The following PPP1CC variants were observed in gnomAD, a reference collection of about 807,000 sequenced individuals.
PPP1CC encodes protein phosphatase 1 catalytic subunit gamma.
In PPP1CC, 16 loss-of-function variants were observed where a neutral mutation model predicts 38.4. The ratio of observed to expected loss-of-function variants is 0.42; its 90% CI spans 0.28 to 0.63. PPP1CC has a LOEUF of 0.63. PPP1CC is among the 30% of genes least tolerant of loss of function. The probability of loss-of-function intolerance (pLI) is 0.25; values close to 1 mark genes in which losing one functional copy is unlikely to be tolerated. For missense variants in PPP1CC, 170 were observed against 391.3 expected (o/e 0.43, Z 4.77); for synonymous variants, 158 against 136.0 (o/e 1.16, Z -1.13).
the PPP1CC span, among the ~76,000 whole-genome samples, chr12:110,709,932 A>AATAAT: frequency 7.0e-6 from 1 of 142,070 alleles, no homozygotes; most frequent in African/African-American, 2.6e-5. Flanking sequence ...AAAAACTCCA[A>AATAAT]AATAATAATA....
chr12:110,738,841 T>C (rs1274739475), intron 1 of PPP1CC, among the ~76,000 whole-genome samples: 2 of 152,214 alleles, frequency 1.3e-5, no homozygotes, highest in Non-Finnish European at 1.5e-5. Flanking sequence ...AAAGGACTCC[T>C]GCAAGCTGCA....
chr12:110,735,135 C>A (rs902175912), intron 1 of PPP1CC: 1 of 151,124 alleles, frequency 6.6e-6, no homozygotes, highest in African/African-American at 2.4e-5. Context: ...CTCACTGCAA[C>A]CTCCACCTCC....
intron 4 of PPP1CC, 115 bp downstream of exon 4, chr12:110,724,545 A>G: frequency 1.5e-6 from 1 of 668,486 alleles, no homozygotes; most frequent in Non-Finnish European, 2.7e-6. Flanking sequence ...CAACACATCA[A>G]CAAAGGAGAG....
intron 2 of PPP1CC, among the ~76,000 whole-genome samples, chr12:110,731,193 C>A (rs1004074642): frequency 1.4e-5 from 2 of 146,756 alleles, no homozygotes; most frequent in African/African-American, 5.0e-5. Flanking sequence ...CACACATACA[C>A]ACCACCCCCA....
At chr12:110,717,503 C>T (rs977632030), downstream of PPP1CC, among the ~76,000 whole-genome samples, 1 of 152,182 alleles carries the variant, frequency 6.6e-6, no homozygotes, top group Non-Finnish European at 1.5e-5. Flanking sequence ...ACGCCATTCT[C>T]CTGCCTCAGG....
At chr12:110,734,228 C>T (rs565306327) in intron 1 of PPP1CC, among the ~76,000 whole-genome samples, 95 of 152,332 alleles carry the variant, frequency 6.2e-4, no homozygotes, top group African/African-American at 2.2e-3. Flanking sequence ...CTGTAGTGTA[C>T]ACCAGCCATA....
rs753151732 is a variant in PPP1CC at position 110,722,194 on chromosome 12, C to G, written c.823G>C (p.Glu275Gln). 6.2e-7 allele frequency: 1 copy of G among 1,614,200 alleles called. No individual in the cohort carries two copies. Among genetic ancestry groups the G allele is most frequent in the Non-Finnish European group, 8.5e-7 (1 of 1,180,022 alleles). Residue 275 changes from glutamate (E) to glutamine (Q), a missense_variant, in exon 6 of 7, where the codon GAG (glutamate) becomes CAG (glutamine). Physicochemically the swap from Glu to Gln is conservative, Grantham distance 29. Around this residue, in one of 3 missense-constraint regions of PPP1CC, gnomAD observed 117 missense variants for 344.4 expected, o/e 0.34. Transcript: ENST00000335007. This position sits in a 1 kb window ranked among gnomAD's most constrained non-coding sequence, Gnocchi z 5.4. Reference protein sequence around the residue: ...TLFSAPNYCGEFDNAGAMMSV... With the variant: ...TLFSAPNYCGQFDNAGAMMSV... ...ATCATGGCACCTGCATTGTCAAACT[C>G]TCCGCAATAATTGGGCGCAGAAAAC...
intron 2 of PPP1CC, 40 bp downstream of exon 2, chr12:110,731,729 CA>C (rs757594134): frequency 7.0e-6 from 11 of 1,580,138 alleles, no homozygotes; most frequent in Non-Finnish European, 9.5e-6. Context: ...CTCAGTTAAT[CA>C]ATCATGTAAC....
At chr12:110,714,805 CAA>C (rs1164975036), downstream of PPP1CC, among the ~76,000 whole-genome samples, 1 of 22,066 alleles carries the variant, frequency 4.5e-5, no homozygotes, top group Non-Finnish European at 8.1e-5. Context: ...GACTCTGTCT[CAA>C]AAAAAAAAAA....
At chr12:110,730,148 A>G (rs1418657346) in intron 3 of PPP1CC, among the ~76,000 whole-genome samples, 1 of 152,268 alleles carries the variant, frequency 6.6e-6, no homozygotes, top group Non-Finnish European at 1.5e-5. Context: ...TCCTTGAGCC[A>G]GGAGTTTCAG....
At position 110,720,244 on chromosome 12, in the gene PPP1CC, T is replaced by C. The variant is rs1463118245; in HGVS notation, c.*832A>G. ...CTTAATGAATAGACTATATGGAAAT[T>C]GTATAAAATGTTATTACCTTTTATC... On this transcript the variant is annotated 3_prime_UTR_variant, in exon 7 of 7. Coordinates refer to ENST00000335007, the MANE Select transcript of PPP1CC (RefSeq NM_002710.4). The C allele has an allele frequency of 1.4e-6, 2 of 1,470,868 alleles. No individual in the cohort carries two copies. Among genetic ancestry groups the C allele is most frequent in the African/African-American group, 1.4e-5 (1 of 71,524 alleles). The allele number at this position is 1,470,868 out of a possible 1,614,324, so 91.1% of individuals were successfully genotyped here.
intron 3 of PPP1CC, among the ~76,000 whole-genome samples, chr12:110,728,321 C>T (rs916738860): frequency 1.3e-5 from 2 of 150,944 alleles, no homozygotes; most frequent in African/African-American, 4.9e-5. Flanking sequence ...ATGGCGTGAA[C>T]CCAGGAGGCG....
intron 1 of PPP1CC, among the ~76,000 whole-genome samples, chr12:110,741,976 G>C (rs2070021843): frequency 6.6e-6 from 1 of 152,176 alleles, no homozygotes; most frequent in Non-Finnish European, 1.5e-5. Flanking sequence ...GATAATGATA[G>C]CGTCAGCCTC....
intron 1 of PPP1CC, among the ~76,000 whole-genome samples, chr12:110,739,743 C>G (rs2069992505): frequency 6.6e-6 from 1 of 152,182 alleles, no homozygotes; most frequent in African/African-American, 2.4e-5. Flanking sequence ...TAAGTTACAA[C>G]CACCTGCTAT....
chr12:110,726,154 A>C (rs2069796493), intron 3 of PPP1CC: 1 of 152,396 alleles, frequency 6.6e-6, no homozygotes, highest in Non-Finnish European at 1.5e-5. Context: ...GTTTAAACCT[A>C]TACCTCTCCT....
chr12:110,737,138 G>C (rs149551930), intron 1 of PPP1CC, among the ~76,000 whole-genome samples: 384 of 152,152 alleles, frequency 2.5e-3, no homozygotes, highest in Middle Eastern at 6.8e-3. Flanking sequence ...TCCCATAAAC[G>C]ACTGAGTTCT....
chr12:110,741,757 TA>T (rs1447629031), intron 1 of PPP1CC, among the ~76,000 whole-genome samples: 4 of 152,234 alleles, frequency 2.6e-5, no homozygotes, highest in African/African-American at 9.6e-5. Flanking sequence ...TGACCTTGGT[TA>T]AGTGACTTCA....
At chr12:110,739,378 T>C (rs1344726821) in intron 1 of PPP1CC, among the ~76,000 whole-genome samples, 2 of 151,856 alleles carry the variant, frequency 1.3e-5, no homozygotes, top group Non-Finnish European at 2.9e-5. Context: ...TTTTTTTTGG[T>C]TAGCATATTA....
At chr12:110,715,916 C>T (rs562018266), downstream of PPP1CC, among the ~76,000 whole-genome samples, 73 of 151,010 alleles carry the variant, frequency 4.8e-4, no homozygotes, top group Non-Finnish European at 8.7e-4. Context: ...CCACCGTGCC[C>T]GGCCAGTATG....
Sources: gnomAD v4.1 joint callset for allele counts (sites outside exome capture counted in the v4.1 genomes callset) on GRCh38, gnomAD v4.1.1 for gene constraint, gnomAD v4.1.1 regional missense constraint, Gnocchi (gnomAD v3.1) non-coding constraint, MANE v1.5 for transcripts, NCBI Gene and HGNC (gene_info 2026-07-23, HGNC 2026-07-21) for gene names.